The following ARHGAP6 variants were observed in gnomAD, a reference collection of about 807,000 sequenced individuals.
ARHGAP6 encodes the protein rho GTPase-activating protein 6.
A neutral mutation model predicts 55.7 loss-of-function variants in ARHGAP6; 16 were observed. The observed-to-expected ratio is 0.29, with a 90% CI of 0.19 to 0.44. ARHGAP6 has a LOEUF of 0.44. ARHGAP6 is among the 20% of genes least tolerant of loss of function. The probability of loss-of-function intolerance (pLI) is 1.00; values close to 1 mark genes in which losing one functional copy is unlikely to be tolerated. For missense variants in ARHGAP6, 698 were observed against 808.9 expected (o/e 0.86, Z 1.66); for synonymous variants, 382 against 360.9 (o/e 1.06, Z -0.66).
At chrX:11,216,038 C>T (rs998515257) in intron 2 of ARHGAP6, among the ~76,000 whole-genome samples, 2 of 111,288 alleles carry the variant, frequency 1.8e-5, no homozygotes, top group Admixed American at 9.5e-5. Context: ...TTTACTGGGA[C>T]TTAAACCGCA....
At chrX:11,348,346 G>A (rs1407668745) in intron 1 of ARHGAP6, among the ~76,000 whole-genome samples, 3 of 112,328 alleles carry the variant, frequency 2.7e-5, no homozygotes, top group African/African-American at 9.7e-5. Context: ...AGAGTGGGAA[G>A]TACAAATGTA....
chrX:11,171,473 T>C (rs1252574123), intron 8 of ARHGAP6, among the ~76,000 whole-genome samples: 3 of 110,967 alleles, frequency 2.7e-5, no homozygotes, highest in Non-Finnish European at 3.8e-5. Context: ...ATGATGTTTT[T>C]TAACCACAGT....
intron 1 of ARHGAP6, among the ~76,000 whole-genome samples, chrX:11,541,685 A>G (rs1292684735): frequency 2.7e-5 from 3 of 112,291 alleles, no homozygotes; most frequent in African/African-American, 9.7e-5. Context: ...TTTGTTGCCC[A>G]AGACTGAGCA....
At chrX:11,603,271 G>A (rs749662952) in intron 1 of ARHGAP6, among the ~76,000 whole-genome samples, 8 of 111,872 alleles carry the variant, frequency 7.2e-5, no homozygotes, top group African/African-American at 1.6e-4. Context: ...TTTATATCCT[G>A]GGAAGTAGCA....
intron 1 of ARHGAP6, among the ~76,000 whole-genome samples, chrX:11,401,595 G>A (rs913439988): frequency 5.7e-4 from 63 of 110,687 alleles, no homozygotes; most frequent in Non-Finnish European, 9.8e-4. Context: ...TCCCTTGGTG[G>A]GGGAGTAGGG....
At chrX:11,170,392 T>C (rs753464300) in intron 8 of ARHGAP6, among the ~76,000 whole-genome samples, 2 of 112,033 alleles carry the variant, frequency 1.8e-5, no homozygotes, top group African/African-American at 6.5e-5. Context: ...AAATACGTCA[T>C]GGAGCCCCAG....
intron 1 of ARHGAP6, among the ~76,000 whole-genome samples, chrX:11,513,309 G>A (rs1303147601): frequency 1.8e-5 from 2 of 111,703 alleles, no homozygotes; most frequent in African/African-American, 3.3e-5. Flanking sequence ...AAACCCACAA[G>A]ATTTTGTTCT....
chrX:11,522,908 C>A (rs1325332082), intron 1 of ARHGAP6, among the ~76,000 whole-genome samples: 1 of 110,873 alleles, frequency 9.0e-6, no homozygotes, highest in Admixed American at 9.6e-5. Flanking sequence ...ATCCTGAAAC[C>A]AAAGCCGGGC....
At chrX:11,530,141 T>C (rs968145070) in intron 1 of ARHGAP6, among the ~76,000 whole-genome samples, 1 of 111,221 alleles carries the variant, frequency 9.0e-6, no homozygotes, top group African/African-American at 3.3e-5. Flanking sequence ...AAGAGTTACC[T>C]CTTGAGTGCA....
intron 1 of ARHGAP6, among the ~76,000 whole-genome samples, chrX:11,494,808 A>G (rs1210789372): frequency 8.9e-6 from 1 of 111,999 alleles, no homozygotes; most frequent in Non-Finnish European, 1.9e-5. Context: ...TTTGCAGAAA[A>G]GCCAGGGTAG....
intron 1 of ARHGAP6, among the ~76,000 whole-genome samples, chrX:11,580,350 C>T (rs924073083): frequency 9.0e-6 from 1 of 111,704 alleles, no homozygotes; most frequent in Admixed American, 9.5e-5. Flanking sequence ...GCACATAAAT[C>T]TATGAGACAC....
intron 2 of ARHGAP6, among the ~76,000 whole-genome samples, chrX:11,240,698 C>A (rs917330003): frequency 2.7e-5 from 3 of 111,054 alleles, no homozygotes; most frequent in Non-Finnish European, 5.7e-5. Flanking sequence ...GCTATCTCTG[C>A]CTTTGAAAAA....
At chrX:11,332,013 G>A (rs1448857312) in intron 1 of ARHGAP6, among the ~76,000 whole-genome samples, 1 of 112,110 alleles carries the variant, frequency 8.9e-6, no homozygotes, top group Non-Finnish European at 1.9e-5. Flanking sequence ...AAGTACCCAA[G>A]TCCAAGGCTA....
intron 1 of ARHGAP6, among the ~76,000 whole-genome samples, chrX:11,597,667 G>C (rs1010408230): frequency 2.7e-5 from 3 of 112,072 alleles, no homozygotes; most frequent in African/African-American, 9.7e-5. Context: ...ACTGACAGCA[G>C]GTCAGGGCTT....
chrX:11,225,975 T>C (rs2047041485), intron 2 of ARHGAP6, among the ~76,000 whole-genome samples: 1 of 110,356 alleles, frequency 9.1e-6, no homozygotes, highest in South Asian at 3.9e-4. Flanking sequence ...TTCATTTTTA[T>C]AAAATTCAGT....
rs2045590011 is a variant in ARHGAP6, at chrX:11,139,414, T to C, written c.2374A>G (p.Ser792Gly). Reference protein sequence around the residue: ...RWQGSPAELDSDTQGARRTQA... With the variant: ...RWQGSPAELDGDTQGARRTQA... The stretch of plus-strand genomic sequence containing the variant: ...GTCCTCCGAGCCCCCTGCGTGTCGC[T>C]GTCCAGCTCTGCGGGGCTCCCCTGC... The change falls in exon 13 of 13, where the codon AGC (serine) becomes GGC (glycine). Residue 792 changes from serine (S) to glycine (G), a missense_variant. Ser to Gly is a moderately conservative substitution (Grantham distance 56). Coordinates refer to ENST00000337414, the MANE Select transcript of ARHGAP6 (RefSeq NM_013427.3). The C allele has an allele frequency of 3.4e-6, 4 of 1,188,079 alleles. No homozygotes were observed. The highest frequency in any genetic ancestry group is 4.5e-6 in the Non-Finnish European group (4 of 886,120).
chrX:11,390,579 A>C (rs2049390433), intron 1 of ARHGAP6, among the ~76,000 whole-genome samples: 1 of 111,641 alleles, frequency 9.0e-6, no homozygotes, highest in Non-Finnish European at 1.9e-5. Context: ...CAAAGGGCTA[A>C]TATCCAGAAT....
At chrX:11,437,555 G>T (rs1388191789) in intron 1 of ARHGAP6, among the ~76,000 whole-genome samples, 1 of 112,225 alleles carries the variant, frequency 8.9e-6, no homozygotes, top group Non-Finnish European at 1.9e-5. Context: ...AGCATAACAG[G>T]GTAGGGAAGG....
chrX:11,638,383 G>C (rs1202905798), intron 1 of ARHGAP6, among the ~76,000 whole-genome samples: 1 of 111,957 alleles, frequency 8.9e-6, no homozygotes, highest in African/African-American at 3.2e-5. Context: ...CCTGAAGCTT[G>C]AAATAGTGTT....
Sources: gnomAD v4.1 joint callset for allele counts (sites outside exome capture counted in the v4.1 genomes callset) on GRCh38, gnomAD v4.1.1 for gene constraint, MANE v1.5 for transcripts, NCBI Gene and HGNC (gene_info 2026-07-23, HGNC 2026-07-21) for gene names.